ANGPTL2: variants seen among roughly 807,000 people sequenced by gnomAD.
The protein encoded by ANGPTL2 is angiopoietin like 2.
Under a neutral mutation model 52.8 loss-of-function variants are expected in ANGPTL2, and 25 were observed. The ratio of observed to expected loss-of-function variants is 0.47; its 90% CI spans 0.35 to 0.66. The LOEUF is 0.66. Among genes scored for constraint, ANGPTL2 ranks in the 30% least tolerant of loss-of-function variants. ANGPTL2 has a pLI of 0.01. For synonymous variants in ANGPTL2, 276 were observed against 277.4 expected (o/e 1.00, Z 0.05); for missense variants, 546 against 656.9 (o/e 0.83, Z 1.84).
At chr9:127,105,473 G>A (rs1307406021) in intron 2 of ANGPTL2, among the ~76,000 whole-genome samples, 1 of 152,180 alleles carries the variant, frequency 6.6e-6, no homozygotes, top group Non-Finnish European at 1.5e-5. Context: ...AGTCACTTGG[G>A]TTCCCAACTC....
chr9:127,088,843 G>A lies in ANGPTL2; in HGVS notation c.*96C>T, dbSNP rs1385407802. On this transcript the variant is annotated 3_prime_UTR_variant, in exon 5 of 5. Transcript: ENST00000373425. The stretch of plus-strand genomic sequence containing the variant: ...CAGCATCCCGGTCCTCCCAGCCTCA[G>A]GATGAACTGGTGAGGAGTTGTTCTT... 1.4e-6 allele frequency: 2 copies of A among 1,418,892 alleles called. No homozygotes were observed. Among genetic ancestry groups the A allele is most frequent in the African/African-American group, 1.4e-5 (1 of 70,864 alleles). 87.9% of individuals were successfully genotyped at this position (1,418,892 alleles called of 1,614,324 possible).
At chr9:127,105,335 A>T (rs562672559) in intron 2 of ANGPTL2, among the ~76,000 whole-genome samples, 1 of 152,334 alleles carries the variant, frequency 6.6e-6, no homozygotes, top group African/African-American at 2.4e-5. Context: ...AGTGCAGGAC[A>T]CTTGGATACA....
At chr9:127,115,180 AATTATTATT>A (rs112610239) in intron 1 of ANGPTL2, among the ~76,000 whole-genome samples, 1 of 151,206 alleles carries the variant, frequency 6.6e-6, no homozygotes, top group Non-Finnish European at 1.5e-5. Context: ...TGTCTTACGT[AATTATTATT>A]ATTATTATTA....
At chr9:127,117,824 G>A (rs901269185) in intron 1 of ANGPTL2, among the ~76,000 whole-genome samples, 27 of 152,220 alleles carry the variant, frequency 1.8e-4, no homozygotes, top group African/African-American at 6.3e-4. Context: ...ACCACCTCAG[G>A]CAGGACTTTA....
intron 2 of ANGPTL2, among the ~76,000 whole-genome samples, chr9:127,104,418 C>T (rs2054025290): frequency 6.6e-6 from 1 of 152,250 alleles, no homozygotes; most frequent in South Asian, 2.1e-4. Flanking sequence ...AGAATGACCC[C>T]TGGAGCCTTC....
rs770228069 is a variant in ANGPTL2 at position 127,108,277 on chromosome 9, G to T, written c.455C>A (p.Ala152Glu). 6.2e-7 allele frequency: 1 copy of T among 1,614,008 alleles called. No individual in the cohort carries two copies. Among genetic ancestry groups the T allele is most frequent in the Non-Finnish European group, 8.5e-7 (1 of 1,179,982 alleles). ...GTTCTCCAGCTGGGAGAGCTCCAAC[G>T]CGTTGTCCCGCTTGCGGATGATCTC... ...LHEIIRKRDNALELSQLENRI... is the reference protein window; with the variant it reads ...LHEIIRKRDNELELSQLENRI... Residue 152 changes from alanine to glutamate, a missense_variant, in exon 2 of 5, where the codon GCG becomes GAG. This residue lies in a region of ANGPTL2 where 285 missense variants were observed against 295.8 expected (regional missense o/e 0.96). Coordinates refer to ENST00000373425, the MANE Select transcript of ANGPTL2 (RefSeq NM_012098.3).
intron 2 of ANGPTL2, among the ~76,000 whole-genome samples, chr9:127,106,727 C>T (rs1034088713): frequency 1.3e-5 from 2 of 152,240 alleles, no homozygotes; most frequent in Non-Finnish European, 2.9e-5. Flanking sequence ...CCCACCCCAT[C>T]TGAAAACAAT....
chr9:127,111,784 A>G (rs1277780933), intron 1 of ANGPTL2, among the ~76,000 whole-genome samples: 2 of 152,234 alleles, frequency 1.3e-5, no homozygotes, highest in African/African-American at 4.8e-5. Flanking sequence ...TGACTTGCCC[A>G]AAATCAGAAA....
At chr9:127,105,255 CTG>C (rs1589500815) in intron 2 of ANGPTL2, among the ~76,000 whole-genome samples, 1 of 152,328 alleles carries the variant, frequency 6.6e-6, no homozygotes. Context: ...CCAGTTATCT[CTG>C]TGATGAAATC....
chr9:127,101,807 T>C (rs945051593), intron 2 of ANGPTL2, among the ~76,000 whole-genome samples: 6 of 152,236 alleles, frequency 3.9e-5, no homozygotes, highest in African/African-American at 1.2e-4. Context: ...TTAGGAGCTG[T>C]TGCATTTATA....
chr9:127,096,234 G>A (rs2053119549), intron 2 of ANGPTL2, among the ~76,000 whole-genome samples: 1 of 152,236 alleles, frequency 6.6e-6, no homozygotes, highest in South Asian at 2.1e-4. Context: ...GGTTTTGGTT[G>A]TGTTTAGCTG....
At chr9:127,113,466 T>G (rs2055064454) in intron 1 of ANGPTL2, among the ~76,000 whole-genome samples, 2 of 151,872 alleles carry the variant, frequency 1.3e-5, no homozygotes, top group Middle Eastern at 3.4e-3. Context: ...CTCTTGATAT[T>G]TATTCAACTC....
intron 1 of ANGPTL2, among the ~76,000 whole-genome samples, chr9:127,111,109 C>T (rs1048927253): frequency 6.6e-6 from 1 of 152,188 alleles, no homozygotes; most frequent in African/African-American, 2.4e-5. Flanking sequence ...CTACGATCAT[C>T]TCCTCCAACC....
At chr9:127,100,316 C>T (rs1158391875) in intron 2 of ANGPTL2, among the ~76,000 whole-genome samples, 1 of 152,148 alleles carries the variant, frequency 6.6e-6, no homozygotes, top group Non-Finnish European at 1.5e-5. Context: ...TGAGGCCTCT[C>T]AAGTAAGAGC....
intron 1 of ANGPTL2, among the ~76,000 whole-genome samples, chr9:127,119,271 C>T (rs2055791238): frequency 6.6e-6 from 1 of 152,148 alleles, no homozygotes; most frequent in Non-Finnish European, 1.5e-5. Context: ...AAGTAGGCTT[C>T]CATGAAGAGC....
At chr9:127,089,874 C>A (rs553684307) in intron 4 of ANGPTL2, among the ~76,000 whole-genome samples, 78 of 152,334 alleles carry the variant, frequency 5.1e-4, no homozygotes, top group African/African-American at 1.8e-3. Context: ...GCCAGCATTG[C>A]TCTTAGTGAA....
intron 2 of ANGPTL2, among the ~76,000 whole-genome samples, chr9:127,105,566 T>C (rs2136999244): frequency 6.6e-6 from 1 of 152,296 alleles, no homozygotes; most frequent in South Asian, 2.1e-4. Flanking sequence ...CCCTTCCCTC[T>C]AGGCAGAATT....
intron 1 of ANGPTL2, 118 bp from the exon 2 acceptor site, chr9:127,108,898 G>C: frequency 1.4e-6 from 1 of 727,928 alleles, no homozygotes; most frequent in South Asian, 2.0e-5. Flanking sequence ...TCTGCTTCAG[G>C]ATGCTGGGTT....
intron 1 of ANGPTL2, among the ~76,000 whole-genome samples, chr9:127,115,413 T>C (rs1256736722): frequency 3.3e-5 from 5 of 152,170 alleles, no homozygotes; most frequent in South Asian, 2.1e-4. Context: ...TCTTATGTAG[T>C]TATTAATAGC....
Sources: allele counts gnomAD v4.1 joint callset (sites outside exome capture counted in the v4.1 genomes callset), GRCh38; gene constraint gnomAD v4.1.1; regional missense constraint gnomAD v4.1.1; transcripts MANE v1.5; gene names NCBI Gene and HGNC (gene_info 2026-07-23, HGNC 2026-07-21).